AGBL4: variants seen among roughly 807,000 people sequenced by gnomAD.
The protein encoded by AGBL4 is cytosolic carboxypeptidase 6.
Under a neutral mutation model 66.4 loss-of-function variants are expected in AGBL4, and 58 were observed. That is an observed-to-expected ratio of 0.87 (90% CI 0.71 to 1.09). The LOEUF is 1.09. AGBL4 is among the 50% of genes least tolerant of loss of function. The probability of loss-of-function intolerance (pLI) is 0.00; values close to 1 mark genes in which losing one functional copy is unlikely to be tolerated. For missense variants in AGBL4, 579 were observed against 631.0 expected, an observed-to-expected ratio of 0.92 and a Z score of 0.88; for synonymous variants, 234 against 222.9, an observed-to-expected ratio of 1.05 and a Z score of -0.44.
At chr1:48,548,547 C>A (rs34279322) in intron 11 of AGBL4, among the ~76,000 whole-genome samples, 6,359 of 152,304 alleles carry the variant, frequency 0.042, 162 homozygotes, top group Non-Finnish European at 0.061. Context: ...AGAGCAGCTT[C>A]GGCAGAGACA....
intron 4 of AGBL4, among the ~76,000 whole-genome samples, chr1:49,058,299 A>T (rs1644341478): frequency 1.3e-5 from 2 of 152,096 alleles, no homozygotes; most frequent in East Asian, 3.9e-4. Context: ...GCAGGAGGTA[A>T]TTGAATCATG....
intron 3 of AGBL4, among the ~76,000 whole-genome samples, chr1:49,417,354 C>T (rs1276480199): frequency 6.6e-6 from 1 of 152,128 alleles, no homozygotes; most frequent in East Asian, 1.9e-4. Context: ...ACTAGTTTTA[C>T]AAACAGTTGG....
At position 49,382,130 on chromosome 1, in the gene AGBL4, G is replaced by A. The variant is rs12023301; in HGVS notation, c.283-136266C>T. On this transcript the variant is annotated intron_variant, in intron 3 of 13. Coordinates refer to ENST00000371839, the MANE Select transcript of AGBL4 (RefSeq NM_032785.4). ...ATAAAAAAGACTTCCACTAGGCACT[G>A]AGAAGTAAATTTCCATTTACTTTTA... Among the ~76,000 whole-genome samples, 34 of 152,204 alleles carry A rather than the reference G, an allele frequency of 2.2e-4. 2 individuals carry two copies. The East Asian group carries it at 6.6e-3, about 29-fold the overall frequency.
At position 48,680,365 on chromosome 1, in the gene AGBL4, T is replaced by G. The variant is rs142222278; in HGVS notation, c.635-17124A>C. Reference sequence around the variant, plus strand: ...GAGTAGAGCTCAAGATAGAGCTTTTTGTTTGCTTATTTGTTTTCCTTTCCT... The same window carrying G: ...GAGTAGAGCTCAAGATAGAGCTTTTGGTTTGCTTATTTGTTTTCCTTTCCT... On this transcript the variant is annotated intron_variant, in intron 6 of 13. Coordinates refer to ENST00000371839, the MANE Select transcript of AGBL4 (RefSeq NM_032785.4). Among the ~76,000 whole-genome samples the G allele has an allele frequency of 8.5e-3, 1,292 of 152,334 alleles. 19 individuals are homozygous for G. The highest frequency in any genetic ancestry group is 8.9e-3 in the Non-Finnish European group (605 of 68,032).
At chr1:49,967,028 G>C (rs1223297756) in intron 1 of AGBL4, among the ~76,000 whole-genome samples, 3 of 152,100 alleles carry the variant, frequency 2.0e-5, no homozygotes, top group Admixed American at 2.0e-4. Context: ...CCAGTAATGG[G>C]ATTACTGGGT....
At chr1:49,537,298 T>C (rs1356190914) in intron 3 of AGBL4, among the ~76,000 whole-genome samples, 1 of 151,910 alleles carries the variant, frequency 6.6e-6, no homozygotes, top group Non-Finnish European at 1.5e-5. Context: ...CAAATGATAG[T>C]TAACTAAACT....
At chr1:49,675,547 A>G (rs1558153483) in intron 3 of AGBL4, among the ~76,000 whole-genome samples, 1 of 152,066 alleles carries the variant, frequency 6.6e-6, no homozygotes, top group Non-Finnish European at 1.5e-5. Flanking sequence ...GTACCCCTTG[A>G]ATCCATAAAA....
intron 6 of AGBL4, among the ~76,000 whole-genome samples, chr1:48,711,160 A>T (rs1208832740): frequency 6.6e-6 from 1 of 152,136 alleles, no homozygotes; most frequent in Non-Finnish European, 1.5e-5. Context: ...GTCAGCATCC[A>T]CAGAGTCTAC....
intron 3 of AGBL4, among the ~76,000 whole-genome samples, chr1:49,301,123 TA>T (rs1182909661): frequency 1.3e-5 from 2 of 152,212 alleles, no homozygotes; most frequent in Non-Finnish European, 1.5e-5. Flanking sequence ...CTTTGATTGG[TA>T]TGCATTGTGA....
At chr1:49,674,171 T>C (rs1185485595) in intron 3 of AGBL4, among the ~76,000 whole-genome samples, 1 of 152,104 alleles carries the variant, frequency 6.6e-6, no homozygotes, top group Non-Finnish European at 1.5e-5. Flanking sequence ...CTTTTTCTTT[T>C]TTAGAACTCT....
chr1:49,077,102 G>GTA (rs1434301005), intron 4 of AGBL4, among the ~76,000 whole-genome samples: 8 of 151,978 alleles, frequency 5.3e-5, no homozygotes, highest in Non-Finnish European at 1.0e-4. Context: ...GTGCGTGTGT[G>GTA]TGTGTGTGTG....
intron 4 of AGBL4, among the ~76,000 whole-genome samples, chr1:49,135,235 A>G (rs980772576): frequency 1.6e-4 from 25 of 152,182 alleles, no homozygotes; most frequent in Admixed American, 1.6e-3. Context: ...GAAAACTATA[A>G]TGATATATAA....
At chr1:49,744,544 G>T (rs1650835126) in intron 2 of AGBL4, among the ~76,000 whole-genome samples, 2 of 151,968 alleles carry the variant, frequency 1.3e-5, no homozygotes, top group Non-Finnish European at 1.5e-5. Flanking sequence ...AAATACTAAA[G>T]GGATTCCTTC....
chr1:49,155,870 C>T (rs77831988), intron 4 of AGBL4, among the ~76,000 whole-genome samples: 1 of 152,260 alleles, frequency 6.6e-6, no homozygotes, highest in East Asian at 1.9e-4. Context: ...GGTAGTCTAC[C>T]AGGGACCTCT....
chr1:48,940,266 T>A lies in AGBL4; in HGVS notation c.595-73036A>T, dbSNP rs183009187. Among the ~76,000 whole-genome samples, 16 of 152,180 alleles carry A rather than the reference T, an allele frequency of 1.1e-4. No homozygotes were observed. The East Asian group carries it at 1.7e-3, about 17-fold the overall frequency. ...GGTGGCACACGCCTGTAATCCCAGC[T>A]ACTCAGGAGGCTGAGGCAGAAGAAT... On this transcript the variant is annotated intron_variant, in intron 5 of 13. Transcript: ENST00000371839.
chr1:50,015,861 A>T (rs1661940857), intron 1 of AGBL4, among the ~76,000 whole-genome samples: 1 of 152,160 alleles, frequency 6.6e-6, no homozygotes, highest in African/African-American at 2.4e-5. Context: ...CAACTATCTG[A>T]TCTTCAACAA....
chr1:48,535,682 C>G (rs976102692), intron 12 of AGBL4, among the ~76,000 whole-genome samples: 4 of 152,162 alleles, frequency 2.6e-5, no homozygotes, highest in African/African-American at 9.7e-5. Flanking sequence ...CCTTTATCCC[C>G]TTTCTATTTC....
At chr1:48,572,690 G>T (rs143428184) in intron 11 of AGBL4, among the ~76,000 whole-genome samples, 4 of 152,088 alleles carry the variant, frequency 2.6e-5, no homozygotes, top group South Asian at 2.1e-4. Flanking sequence ...AGAACTGAAG[G>T]GGGGGTGCGT....
At chr1:48,524,922 T>A in the AGBL4 span, among the ~76,000 whole-genome samples, 1 of 151,996 alleles carries the variant, frequency 6.6e-6, no homozygotes, top group Non-Finnish European at 1.5e-5. Flanking sequence ...TATGGGCCTA[T>A]AAGCTAGGTT....
Sources: gnomAD v4.1 joint callset for allele counts (sites outside exome capture counted in the v4.1 genomes callset) on GRCh38, gnomAD v4.1.1 for gene constraint, MANE v1.5 for transcripts, NCBI Gene and HGNC (gene_info 2026-07-23, HGNC 2026-07-21) for gene names.